Variants in GRM5 observed in about 807,000 individuals in gnomAD.
GRM5 encodes the protein glutamate metabotropic receptor 5.
A neutral mutation model predicts 83.1 loss-of-function variants in GRM5; 19 were observed. The ratio of observed to expected loss-of-function variants is 0.23; its 90% CI spans 0.16 to 0.34. The LOEUF (loss-of-function observed/expected upper bound fraction) is 0.34. Among genes scored for constraint, GRM5 ranks in the 10% least tolerant of loss-of-function variants. The probability of loss-of-function intolerance (pLI) is 1.00; values close to 1 mark genes in which losing one functional copy is unlikely to be tolerated. For missense variants in GRM5, 1,160 were observed against 1,588.3 expected (o/e 0.73, Z 4.58); for synonymous variants, 675 against 633.6 (o/e 1.07, Z -0.98).
chr11:88,991,089 G>T (rs114504621), intron 2 of GRM5, among the ~76,000 whole-genome samples: 1 of 152,138 alleles, frequency 6.6e-6, no homozygotes, highest in Non-Finnish European at 1.5e-5. Context: ...CTTTGCAGAC[G>T]ACATGATTGT....
chr11:88,713,295 T>C (rs1941322881), intron 3 of GRM5, among the ~76,000 whole-genome samples: 1 of 152,084 alleles, frequency 6.6e-6, no homozygotes, highest in Non-Finnish European at 1.5e-5. Context: ...GCAGTGCAGA[T>C]ATAGAGTAAG....
chr11:88,598,248 A>C (rs1326893473), intron 5 of GRM5, among the ~76,000 whole-genome samples: 1 of 152,126 alleles, frequency 6.6e-6, no homozygotes, highest in African/African-American at 2.4e-5. Context: ...AATGCTCAGC[A>C]TGTGTAGCTA....
At chr11:88,763,613 G>A (rs1306781887) in intron 3 of GRM5, among the ~76,000 whole-genome samples, 1 of 151,718 alleles carries the variant, frequency 6.6e-6, no homozygotes, top group Non-Finnish European at 1.5e-5. Context: ...AAAGGCGTGA[G>A]GACAGAGTTG....
intron 8 of GRM5, among the ~76,000 whole-genome samples, chr11:88,557,304 T>C (rs954716228): frequency 9.9e-5 from 15 of 152,166 alleles, no homozygotes; most frequent in Admixed American, 9.2e-4. Context: ...TCATTAAGTG[T>C]TTACTGCATA....
At chr11:88,864,362 T>C (rs927039243) in intron 2 of GRM5, among the ~76,000 whole-genome samples, 16 of 151,930 alleles carry the variant, frequency 1.1e-4, no homozygotes, top group Non-Finnish European at 1.6e-4. Flanking sequence ...AAGGATACAA[T>C]AGAGTATTAC....
chr11:88,629,475 C>T (rs938369967), intron 4 of GRM5, among the ~76,000 whole-genome samples: 1 of 152,158 alleles, frequency 6.6e-6, no homozygotes, highest in Non-Finnish European at 1.5e-5. Context: ...AATTCTGAGA[C>T]CCCCTCCAGA....
intron 2 of GRM5, among the ~76,000 whole-genome samples, chr11:88,983,766 T>C (rs778215517): frequency 6.6e-6 from 1 of 152,070 alleles, no homozygotes; most frequent in Non-Finnish European, 1.5e-5. Flanking sequence ...TATCAGGACG[T>C]ATTCCAGAAT....
intron 2 of GRM5, among the ~76,000 whole-genome samples, chr11:89,011,541 G>C (rs928877777): frequency 6.6e-6 from 1 of 152,152 alleles, no homozygotes; most frequent in African/African-American, 2.4e-5. Flanking sequence ...AATCCTAACT[G>C]ATTACTGAAA....
intron 3 of GRM5, among the ~76,000 whole-genome samples, chr11:88,753,058 A>C (rs988787872): frequency 6.6e-6 from 1 of 152,212 alleles, no homozygotes; most frequent in Admixed American, 6.5e-5. Flanking sequence ...CAAATATTTC[A>C]TGATGAAATC....
chr11:88,834,535 A>C (rs944132735), intron 3 of GRM5, among the ~76,000 whole-genome samples: 1 of 152,214 alleles, frequency 6.6e-6, no homozygotes, highest in Non-Finnish European at 1.5e-5. Flanking sequence ...AGAGTACTGA[A>C]GAAACTACAT....
At chr11:88,608,895 T>C (rs1190801996) in intron 4 of GRM5, among the ~76,000 whole-genome samples, 1 of 152,192 alleles carries the variant, frequency 6.6e-6, no homozygotes, top group African/African-American at 2.4e-5. Context: ...CAATAAATAT[T>C]TGGTGAATGA....
intron 3 of GRM5, among the ~76,000 whole-genome samples, chr11:88,674,638 CTCTT>C (rs1222588683): frequency 1.3e-5 from 2 of 151,838 alleles, no homozygotes; most frequent in Admixed American, 6.6e-5. Flanking sequence ...GGCAGTGTCA[CTCTT>C]TCTCACCAGG....
intron 2 of GRM5, among the ~76,000 whole-genome samples, chr11:88,957,760 C>A (rs1938667440): frequency 6.6e-6 from 1 of 151,888 alleles, no homozygotes; most frequent in South Asian, 2.1e-4. Context: ...AATGATCTTC[C>A]CCCATAGAGA....
chr11:88,830,044 A>T (rs988826335), intron 3 of GRM5, among the ~76,000 whole-genome samples: 2 of 144,660 alleles, frequency 1.4e-5, no homozygotes, highest in African/African-American at 5.8e-5. Context: ...ACAAAAGGAA[A>T]AACAAACAAA....
At chr11:88,918,512 GA>G (rs1945634477) in intron 2 of GRM5, among the ~76,000 whole-genome samples, 1 of 151,870 alleles carries the variant, frequency 6.6e-6, no homozygotes, top group Non-Finnish European at 1.5e-5. Flanking sequence ...TTTTTAATCT[GA>G]AAGAAAAGGA....
rs1216170843 is a variant in GRM5, at chr11:88,572,022, C to T, written c.1691-4030G>A. Among the ~76,000 whole-genome samples the T allele has an allele frequency of 1.3e-5, 2 of 152,088 alleles. 1 individual carries two copies. The highest frequency in any genetic ancestry group is 4.8e-5 in the African/African-American group (2 of 41,422). ...AAGATAGAAGAATCAAGAAGAAAGG[C>T]TTTGTAGCTGATAGCAATACTGTTA... On this transcript the variant is annotated intron_variant, in intron 7 of 9. Transcript: ENST00000305447.
chr11:88,642,889 A>G (rs1417521536), intron 4 of GRM5, among the ~76,000 whole-genome samples: 1 of 152,128 alleles, frequency 6.6e-6, no homozygotes, highest in African/African-American at 2.4e-5. Flanking sequence ...CTAGTCTCTA[A>G]GAAGTTCTAA....
chr11:88,583,873 A>AGAATCTCAAACCAGACTACCT (rs1565348632), intron 7 of GRM5, among the ~76,000 whole-genome samples: 10 of 152,104 alleles, frequency 6.6e-5, no homozygotes, highest in African/African-American at 2.4e-4. Flanking sequence ...ACCAGACTAC[A>AGAATCTCAAACCAGACTACCT]TTTTTCTGAG....
At chr11:89,018,312 C>T (rs896033911) in intron 2 of GRM5, among the ~76,000 whole-genome samples, 1 of 152,024 alleles carries the variant, frequency 6.6e-6, no homozygotes, top group Non-Finnish European at 1.5e-5. Flanking sequence ...AGAAACAAGC[C>T]ACTTGTCAGT....
Sources: gnomAD v4.1 joint callset for allele counts (sites outside exome capture counted in the v4.1 genomes callset) on GRCh38, gnomAD v4.1.1 for gene constraint, MANE v1.5 for transcripts, NCBI Gene and HGNC (gene_info 2026-07-23, HGNC 2026-07-21) for gene names.